Variants in GATAD2A observed in about 807,000 individuals in gnomAD.
The protein encoded by GATAD2A is transcriptional repressor p66-alpha.
A neutral mutation model predicts 68.5 loss-of-function variants in GATAD2A; 12 were observed. The ratio of observed to expected loss-of-function variants is 0.18; its 90% CI spans 0.11 to 0.28. The LOEUF is 0.28. GATAD2A is among the 10% of genes least tolerant of loss of function. The probability of loss-of-function intolerance (pLI) is 1.00; values close to 1 mark genes in which losing one functional copy is unlikely to be tolerated. For synonymous variants in GATAD2A, 410 were observed against 375.3 expected, an observed-to-expected ratio of 1.09 and a Z score of -1.07; for missense variants, 755 against 868.5, an observed-to-expected ratio of 0.87 and a Z score of 1.64.
intron 1 of GATAD2A, among the ~76,000 whole-genome samples, chr19:19,397,965 G>T (rs1035250094): frequency 2.6e-5 from 4 of 152,164 alleles, no homozygotes; most frequent in Admixed American, 6.5e-5. Flanking sequence ...GTGCAGTGGC[G>T]TGATCTCGGC....
Position 19,465,358 on chromosome 19 carries a change from G to A in GATAD2A, c.13G>A (p.Ala5Thr), listed in dbSNP as rs2057787490. The change falls in exon 2 of 12, where the codon GCA becomes ACA. Residue 5 changes from alanine to threonine, a missense_variant. Physicochemically the swap from Ala to Thr is moderately conservative, Grantham distance 58 (BLOSUM62 0). Transcript: ENST00000683918. MTEE[A>T]CRTRSQKRAL... ...TCCCAAGTTCAGAATGACCGAAGAA[G>A]CATGCCGAACACGGAGTCAGAAACG... 1.9e-6 allele frequency: 3 copies of A among 1,613,844 alleles called. No individual in the cohort carries two copies. The highest frequency in any genetic ancestry group is 1.1e-5 in the South Asian group (1 of 91,086).
Position 19,501,971 on chromosome 19 carries a change from C to G in GATAD2A, c.1506C>G (p.Val502=), listed in dbSNP as rs1181337938. Residue 502 remains valine (V), a splice_region_variant and synonymous_variant, in exon 10 of 12, where the codon GTC becomes GTG. Coordinates refer to ENST00000683918, the MANE Select transcript of GATAD2A (RefSeq NM_001384528.1). Reference sequence around the variant, plus strand: ...GCTTTCAACCCCCGTTTGTGTAGGTCATAAAACCCCGGCGTAAGTTGGCGT... The same window carrying G: ...GCTTTCAACCCCCGTTTGTGTAGGTGATAAAACCCCGGCGTAAGTTGGCGT... ...TAAPHPVLKQ[V]IKPRRKLAFR... is the part of the protein sequence containing the mutation. 2 of 1,613,626 alleles carry G rather than the reference C, an allele frequency of 1.2e-6. No individual in the cohort carries two copies. The highest frequency in any genetic ancestry group is 1.3e-5 in the African/African-American group (1 of 75,048).
chr19:19,398,760 T>C (rs1380337564), intron 1 of GATAD2A, among the ~76,000 whole-genome samples: 1 of 149,432 alleles, frequency 6.7e-6, no homozygotes, highest in African/African-American at 2.5e-5. Flanking sequence ...ACCCCGTCTC[T>C]ACTAAAATAC....
At chr19:19,458,935 C>G (rs2057180771) in intron 1 of GATAD2A, among the ~76,000 whole-genome samples, 1 of 152,118 alleles carries the variant, frequency 6.6e-6, no homozygotes, top group African/African-American at 2.4e-5. Flanking sequence ...TTCCTCCTCG[C>G]CTGGATGAGG....
chr19:19,478,986 C>T (rs1001298901), intron 2 of GATAD2A, among the ~76,000 whole-genome samples: 4 of 152,178 alleles, frequency 2.6e-5, no homozygotes, highest in Non-Finnish European at 4.4e-5. Flanking sequence ...CTGTGTCCAT[C>T]CTCTTGCGTT....
chr19:19,404,399 G>A (rs2050006373), upstream of GATAD2A, among the ~76,000 whole-genome samples: 1 of 152,126 alleles, frequency 6.6e-6, no homozygotes, highest in Admixed American at 6.5e-5. Context: ...TAACAGTACA[G>A]GCTGGGTGCA....
At chr19:19,436,210 C>T in intron 1 of GATAD2A, 1 of 1,364,196 alleles carries the variant, frequency 7.3e-7, no homozygotes, top group Non-Finnish European at 9.8e-7. Flanking sequence ...ACCCCATACC[C>T]CGAAGCCAGG....
intron 1 of GATAD2A, among the ~76,000 whole-genome samples, chr19:19,444,610 C>T (rs2055487813): frequency 6.6e-6 from 1 of 152,178 alleles, no homozygotes; most frequent in African/African-American, 2.4e-5. Flanking sequence ...TGTATGATGC[C>T]TGTTGGTCCC....
At chr19:19,440,903 CTTCCTTTCCTTCCT>C in intron 1 of GATAD2A, among the ~76,000 whole-genome samples, 1 of 150,738 alleles carries the variant, frequency 6.6e-6, no homozygotes, top group South Asian at 2.1e-4. Flanking sequence ...CTTTCCTTCC[CTTCCTTTCCTTCCT>C]TCCCTTTCCT....
At position 19,422,805 on chromosome 19, in the gene GATAD2A, G is replaced by A. The variant is rs562162614; in HGVS notation, c.-7+16786G>A. Among the ~76,000 whole-genome samples, 753 of 151,166 alleles carry A rather than the reference G, an allele frequency of 5.0e-3. 7 individuals carry two copies. The highest frequency in any genetic ancestry group is 0.017 in the Middle Eastern group (5 of 292). On this transcript the variant is annotated intron_variant, in intron 1 of 11. Coordinates refer to ENST00000683918, the MANE Select transcript of GATAD2A (RefSeq NM_001384528.1). ...TGGCTCACTGCAAGCTCCGCCTCCCGGGTTCATGCCACTCTTCTGCCTCAG... is the reference window on the plus strand; with the variant it reads ...TGGCTCACTGCAAGCTCCGCCTCCCAGGTTCATGCCACTCTTCTGCCTCAG...
Position 19,457,238 on chromosome 19 carries a change from T to G in GATAD2A, c.-6-8102T>G, listed in dbSNP as rs1203688132. Reference sequence around the variant, plus strand: ...ACAGAGCCTGTTATCTGGTGAGTGATTGGGACATTCTGAGGGCTCATACCT... The same window carrying G: ...ACAGAGCCTGTTATCTGGTGAGTGAGTGGGACATTCTGAGGGCTCATACCT... On this transcript the variant is annotated intron_variant, in intron 1 of 11. Coordinates refer to ENST00000683918, the MANE Select transcript of GATAD2A (RefSeq NM_001384528.1). 8 of 985,392 alleles carry G rather than the reference T, an allele frequency of 8.1e-6. No homozygotes were observed. In the East Asian group the frequency reaches 3.4e-4, roughly 42 times the overall value. 61.0% of individuals were successfully genotyped at this position (985,392 alleles called of 1,614,324 possible).
At chr19:19,448,909 G>C (rs2056064284) in intron 1 of GATAD2A, among the ~76,000 whole-genome samples, 1 of 152,170 alleles carries the variant, frequency 6.6e-6, no homozygotes, top group African/African-American at 2.4e-5. Context: ...TTACCCGGAA[G>C]GGCCCTCAAG....
chr19:19,498,189 C>A (rs1005294063), intron 7 of GATAD2A, among the ~76,000 whole-genome samples: 9 of 152,216 alleles, frequency 5.9e-5, no homozygotes, highest in African/African-American at 2.2e-4. Flanking sequence ...TAAGTGTGTG[C>A]GGTTTATCTG....
intron 1 of GATAD2A, chr19:19,435,229 G>A: frequency 4.3e-6 from 2 of 466,488 alleles, no homozygotes; most frequent in East Asian, 1.2e-4. Flanking sequence ...TAGGTTTCTG[G>A]GTTGTTTTTT....
At chr19:19,463,998 G>T (rs1476539863) in intron 1 of GATAD2A, among the ~76,000 whole-genome samples, 1 of 152,244 alleles carries the variant, frequency 6.6e-6, no homozygotes, top group Non-Finnish European at 1.5e-5. Context: ...AGATGAGTCA[G>T]CTCTGGAGTG....
chr19:19,420,436 AT>A (rs781666280), intron 1 of GATAD2A, among the ~76,000 whole-genome samples: 37 of 141,462 alleles, frequency 2.6e-4, no homozygotes, highest in Admixed American at 2.1e-3. Flanking sequence ...GGTTCCCGCC[AT>A]TCTCCTGCCT....
Position 19,506,144 on chromosome 19 carries a change from T to A in GATAD2A, c.*670T>A, listed in dbSNP as rs1054284. The A allele has an allele frequency of 3.5e-5, 14 of 398,480 alleles. No individual in the cohort carries two copies. The Admixed American group carries it at 4.0e-4, about 11-fold the overall frequency. The allele number at this position is 398,480 out of a possible 1,614,324, so 24.7% of individuals were successfully genotyped here. ...CGGCCGGCCCGCCCCCGTGACTGAC[T>A]GACAGATGCAGGGATGGCCGAGGCA... On this transcript the variant is annotated 3_prime_UTR_variant, in exon 12 of 12. Coordinates refer to ENST00000683918, the MANE Select transcript of GATAD2A (RefSeq NM_001384528.1).
rs116433023 is a variant in GATAD2A at position 19,498,617 on chromosome 19, A to C, written c.1099A>C (p.Lys367Gln). The C allele has an allele frequency of 6.2e-7, 1 of 1,613,002 alleles. No individual in the cohort carries two copies. Among genetic ancestry groups the C allele is most frequent in the Admixed American group, 1.7e-5 (1 of 59,992 alleles). ...EKTLLEIPPP[K>Q]PPAPEMNFLP... ...GACGCTACTCGAGATCCCCCCACCC[A>C]AGCCCCCAGCCCCAGAGATGAACTT... The change falls in exon 8 of 12, where the codon AAG (lysine) becomes CAG (glutamine). Residue 367 changes from lysine (K) to glutamine (Q), a missense_variant. Physicochemically the swap from Lys to Gln is moderately conservative, Grantham distance 53. Coordinates refer to ENST00000683918, the MANE Select transcript of GATAD2A (RefSeq NM_001384528.1).
At chr19:19,424,771 C>A (rs1188600936) in intron 1 of GATAD2A, among the ~76,000 whole-genome samples, 1 of 152,146 alleles carries the variant, frequency 6.6e-6, no homozygotes, top group South Asian at 2.1e-4. Flanking sequence ...GCATCCTCAC[C>A]TTTCCAGGAG....
Sources: gnomAD v4.1 joint callset for allele counts (sites outside exome capture counted in the v4.1 genomes callset) on GRCh38, gnomAD v4.1.1 for gene constraint, MANE v1.5 for transcripts, NCBI Gene and HGNC (gene_info 2026-07-23, HGNC 2026-07-21) for gene names.